The following OARD1 variants were observed in gnomAD, a reference collection of about 807,000 sequenced individuals.
OARD1 encodes the protein ADP-ribose glycohydrolase OARD1.
OARD1 carries 19 observed loss-of-function variants against 19.7 expected under a neutral mutation model. The ratio of observed to expected loss-of-function variants is 0.96; its 90% CI spans 0.67 to 1.41. The LOEUF (loss-of-function observed/expected upper bound fraction) is 1.41. Ranked by LOEUF, OARD1 falls within the 40% of genes most tolerant of loss-of-function variation. OARD1 has a pLI of 0.00. For missense variants in OARD1, 190 were observed against 183.8 expected (o/e 1.03, Z -0.20); for synonymous variants, 70 against 61.8 (o/e 1.13, Z -0.62).
At chr6:41,080,026 C>T (rs566864486) in intron 1 of OARD1, among the ~76,000 whole-genome samples, 1 of 152,274 alleles carries the variant, frequency 6.6e-6, no homozygotes, top group African/African-American at 2.4e-5. Flanking sequence ...CCACAAAGGG[C>T]CCTCCATTCA....
At chr6:41,092,691 C>T (rs773585624) in intron 1 of OARD1, among the ~76,000 whole-genome samples, 3 of 152,150 alleles carry the variant, frequency 2.0e-5, no homozygotes, top group Non-Finnish European at 1.5e-5. Context: ...TATAGTTTCT[C>T]AGAGTGGCAC....
At position 41,070,115 on chromosome 6, in the gene OARD1, C is replaced by T. The variant is rs144524444; in HGVS notation, c.204G>A (p.Val68=). The T allele has an allele frequency of 6.6e-5, 105 of 1,583,996 alleles. No individual in the cohort carries two copies. In the African/African-American group the frequency reaches 1.2e-3, roughly 18 times the overall value. The change falls in exon 4 of 6, where the codon GTG becomes GTA. Residue 68 remains valine, a synonymous_variant. Coordinates refer to ENST00000424266, the MANE Select transcript of OARD1 (RefSeq NM_001329686.2). ...LLNQQKKSGE[V]AVLKRDGRYI... is the part of the protein sequence containing the mutation. ...ATCGCCCATCTCTCTTCAGAACAGC[C>T]ACTTCTCCAGATTTCTTTTCTAAGA... is the stretch of plus-strand genomic sequence containing the variant.
intron 1 of OARD1, among the ~76,000 whole-genome samples, chr6:41,085,966 A>G (rs1764032838): frequency 6.6e-6 from 1 of 152,196 alleles, no homozygotes; most frequent in Non-Finnish European, 1.5e-5. Flanking sequence ...GCCCACTGGC[A>G]TATTTTTGCC....
At chr6:41,088,793 C>T (rs978163305) in intron 1 of OARD1, among the ~76,000 whole-genome samples, 2 of 151,986 alleles carry the variant, frequency 1.3e-5, no homozygotes, top group African/African-American at 2.4e-5. Flanking sequence ...GCCATGTTGC[C>T]CAGGCTGGTC....
At chr6:41,084,235 G>A (rs1763982465) in intron 1 of OARD1, 1 of 1,590,174 alleles carries the variant, frequency 6.3e-7, no homozygotes. Context: ...TCAGAGGAGA[G>A]GTTTCAAAGA....
At position 41,071,180 on chromosome 6, in the gene OARD1, C is replaced by G; in HGVS notation, c.136G>C (p.Val46Leu). The G allele has an allele frequency of 6.2e-7, 1 of 1,614,204 alleles. No homozygotes were observed. The highest frequency in any genetic ancestry group is 8.5e-7 in the Non-Finnish European group (1 of 1,180,030). The part of the protein sequence containing the change: ...EDCRMGAGIA[V>L]LFKKKFGGVQ... The stretch of plus-strand genomic sequence containing the variant: ...CCTCCAAATTTCTTCTTAAAGAGGA[C>G]AGCTATCCCAGCGCCCATGCGACAA... Residue 46 changes from valine (V) to leucine (L), a missense_variant, in exon 3 of 6, where the codon GTC (valine) becomes CTC (leucine). Physicochemically the swap from Val to Leu is conservative, Grantham distance 32. Transcript: ENST00000424266.
At chr6:41,089,747 G>C in intron 1 of OARD1, 2 of 1,599,314 alleles carry the variant, frequency 1.3e-6, no homozygotes, top group Non-Finnish European at 1.7e-6. Flanking sequence ...GAGCAAAACT[G>C]ATTTGGAAGA....
intron 4 of OARD1, 118 bp from the exon 5 acceptor site, chr6:41,069,071 A>G: frequency 1.7e-6 from 1 of 577,090 alleles, no homozygotes; most frequent in South Asian, 2.4e-5. Context: ...GAATTAGTCT[A>G]GAGCAAGGAT....
chr6:41,086,671 A>C (rs181549747), intron 1 of OARD1, among the ~76,000 whole-genome samples: 2 of 152,212 alleles, frequency 1.3e-5, no homozygotes, highest in South Asian at 4.1e-4. Context: ...AAAATTCTGC[A>C]TATAATTTTA....
chr6:41,070,976 G>T, intron 3 of OARD1, 156 bp downstream of exon 3: 1 of 738,242 alleles, frequency 1.4e-6, no homozygotes, highest in Non-Finnish European at 2.3e-6. Context: ...TTTTGATATG[G>T]TAAACGTCTA....
chr6:41,092,088 T>C (rs759465445), intron 1 of OARD1, among the ~76,000 whole-genome samples: 3 of 151,712 alleles, frequency 2.0e-5, no homozygotes, highest in Non-Finnish European at 4.4e-5. Flanking sequence ...AAAAAAAAAG[T>C]GTCATGTAAA....
chr6:41,071,426 A>G (rs1205292765), intron 2 of OARD1, 150 bp from the exon 3 acceptor site: 2 of 985,484 alleles, frequency 2.0e-6, no homozygotes, highest in Admixed American at 4.6e-5. Flanking sequence ...AGCATGTGTA[A>G]AAGGAAAGTA....
At chr6:41,077,404 G>A (rs1345001308), upstream of OARD1, among the ~76,000 whole-genome samples, 1 of 152,134 alleles carries the variant, frequency 6.6e-6, no homozygotes, top group East Asian at 1.9e-4. Flanking sequence ...CTGTCTCCCT[G>A]TATTCTCCAC....
chr6:41,070,274 T>G, intron 3 of OARD1, 140 bp from the exon 4 acceptor site: 1 of 622,138 alleles, frequency 1.6e-6, no homozygotes, highest in South Asian at 2.0e-5. Context: ...GAAGACCTAT[T>G]GTCTCCCACA....
rs1763251827 is a variant in OARD1, at chr6:41,070,097, ATC to A, written c.220_221del (p.Asp74TrpfsTer20). 6.3e-7 allele frequency: 1 copy of A among 1,593,624 alleles called. No individual in the cohort carries two copies. The highest frequency in any genetic ancestry group is 1.7e-5 in the Admixed American group (1 of 59,870). ...TTACCAAGTAATATATATATCGCCC[ATC>A]TCTCTTCAGAACAGCCACTTCTCCA... ...KSGEVAVLKR[D>X]GRYIYYLITK... On this transcript the variant is annotated frameshift_variant, in exon 4 of 6. Transcript: ENST00000424266. LOFTEE classifies it high-confidence loss of function.
In OARD1 at chr6:41,078,963, GTTAA is replaced by G. The variant is rs1402050952; in HGVS notation, c.-41-7292_-41-7289del. On this transcript the variant is annotated intron_variant, in intron 1 of 4. Transcript: ENST00000480585. Reference sequence around the variant, plus strand: ...TAAAGTACAGTGATAAATTATCCAGGTTAATTGTCTGGTAAGGCCTTTATTGACA... The same window carrying G: ...TAAAGTACAGTGATAAATTATCCAGGTTGTCTGGTAAGGCCTTTATTGACA... 3 of 688,226 alleles carry G rather than the reference GTTAA, an allele frequency of 4.4e-6. No individual in the cohort carries two copies. The Admixed American group carries it at 7.5e-5, about 17-fold the overall frequency. The allele number at this position is 688,226 out of a possible 1,614,324, so 42.6% of individuals were successfully genotyped here.
upstream of OARD1, among the ~76,000 whole-genome samples, chr6:41,076,597 A>G (rs1200785460): frequency 6.6e-6 from 1 of 152,226 alleles, no homozygotes; most frequent in Non-Finnish European, 1.5e-5. Context: ...TAGTGGGGCA[A>G]AGAGAATTGC....
upstream of OARD1, chr6:41,075,250 A>G (rs1763701509): frequency 6.6e-6 from 1 of 152,198 alleles, no homozygotes; most frequent in African/African-American, 2.4e-5. Context: ...ACAGTGGCGC[A>G]ATCGTAGCTC....
chr6:41,068,109 G>A (rs1258128261), intron 5 of OARD1, among the ~76,000 whole-genome samples: 1 of 152,136 alleles, frequency 6.6e-6, no homozygotes, highest in South Asian at 2.1e-4. Flanking sequence ...TTTCTGATAT[G>A]TATGTACACC....
Sources: gnomAD v4.1 joint callset for allele counts (sites outside exome capture counted in the v4.1 genomes callset) on GRCh38, gnomAD v4.1.1 for gene constraint, MANE v1.5 for transcripts, NCBI Gene and HGNC (gene_info 2026-07-23, HGNC 2026-07-21) for gene names.